Variants in RGPD6 observed in about 807,000 individuals in gnomAD.
RGPD6 encodes the protein RANBP2-like and GRIP domain-containing protein 5/6.
chr2:110,608,397 A>C, the RGPD6 span, among the ~76,000 whole-genome samples: 7 of 151,312 alleles, frequency 4.6e-5, no homozygotes, highest in Non-Finnish European at 8.8e-5. Flanking sequence ...AGAGATTCAA[A>C]TAAGAAAACA....
the RGPD6 span, among the ~76,000 whole-genome samples, chr2:110,593,766 A>T: frequency 6.9e-6 from 1 of 145,824 alleles, no homozygotes; most frequent in Non-Finnish European, 1.5e-5. Context: ...TCAGAAAATC[A>T]TTACATAAAA....
At chr2:110,605,788 A>T in the RGPD6 span, among the ~76,000 whole-genome samples, 15,613 of 145,544 alleles carry the variant, frequency 0.11, 1,430 homozygotes, top group African/African-American at 0.22. Flanking sequence ...ACCAAACAAG[A>T]TCCACACTTT....
chr2:110,604,636 T>C, the RGPD6 span, among the ~76,000 whole-genome samples: 17 of 151,510 alleles, frequency 1.1e-4, no homozygotes, highest in South Asian at 2.1e-4. Flanking sequence ...TCGTCTTTTA[T>C]GGGGCCTCGA....
chr2:110,599,962 T>C, the RGPD6 span, among the ~76,000 whole-genome samples: 1 of 149,140 alleles, frequency 6.7e-6, no homozygotes, highest in Non-Finnish European at 1.5e-5. Flanking sequence ...CTACCTTCAA[T>C]GAAAGGAACA....
the RGPD6 span, among the ~76,000 whole-genome samples, chr2:110,606,785 G>A: frequency 6.6e-6 from 1 of 151,024 alleles, no homozygotes; most frequent in Non-Finnish European, 1.5e-5. Flanking sequence ...TAGTTCAAAG[G>A]CCACCTATTT....
At chr2:110,576,891 GCCCCCCCCCTC>G (rs1688392808) in intron 1 of RGPD6, 51 bp downstream of exon 1, 1 of 693,408 alleles carries the variant, frequency 1.4e-6, no homozygotes, top group Non-Finnish European at 1.7e-6. Context: ...CGCCGCCGCC[GCCCCCCCCCTC>G]CCCCCCCGGC....
the RGPD6 span, among the ~76,000 whole-genome samples, chr2:110,596,917 CAT>C: frequency 0.013 from 1,686 of 133,714 alleles, 46 homozygotes; most frequent in Non-Finnish European, 0.017. Flanking sequence ...CATTTACATA[CAT>C]ATATATATAT....
At chr2:110,606,732 G>A in the RGPD6 span, among the ~76,000 whole-genome samples, 29 of 149,620 alleles carry the variant, frequency 1.9e-4, no homozygotes, top group Admixed American at 4.7e-4. Context: ...ATGTCTCCAT[G>A]TACTCTCAAT....
the RGPD6 span, among the ~76,000 whole-genome samples, chr2:110,600,215 C>T: frequency 2.9e-5 from 3 of 104,132 alleles, no homozygotes; most frequent in Admixed American, 9.8e-5. Context: ...ATGGTAAAAA[C>T]GTGAGACCAT....
At chr2:110,604,979 T>C in the RGPD6 span, among the ~76,000 whole-genome samples, 2 of 147,184 alleles carry the variant, frequency 1.4e-5, no homozygotes, top group African/African-American at 5.1e-5. Flanking sequence ...TTCATCGTCA[T>C]CCAGATACAT....
the RGPD6 span, among the ~76,000 whole-genome samples, chr2:110,593,271 A>C: frequency 6.8e-6 from 1 of 147,982 alleles, no homozygotes; most frequent in African/African-American, 2.6e-5. Context: ...AGGGCCTTAC[A>C]CTTCATCAGT....
the RGPD6 span, among the ~76,000 whole-genome samples, chr2:110,598,346 T>C: frequency 9.2e-5 from 2 of 21,686 alleles, no homozygotes; most frequent in African/African-American, 1.1e-4. Context: ...ATCTCAAGGC[T>C]TTCACCAGCA....
the RGPD6 span, among the ~76,000 whole-genome samples, chr2:110,606,246 G>GT: frequency 6.9e-6 from 1 of 144,512 alleles, no homozygotes. Flanking sequence ...GTTACTGGGG[G>GT]TCATGGTCTG....
At chr2:110,593,326 T>TA in the RGPD6 span, among the ~76,000 whole-genome samples, 2 of 147,726 alleles carry the variant, frequency 1.4e-5, 1 homozygote, top group South Asian at 4.3e-4. Context: ...GTATGATGTC[T>TA]GGCCAAGAAA....
chr2:110,593,213 T>C, the RGPD6 span, among the ~76,000 whole-genome samples: 5 of 147,980 alleles, frequency 3.4e-5, no homozygotes, highest in East Asian at 3.9e-4. Flanking sequence ...AAATGAAGCT[T>C]TGGAGAAGGT....
At chr2:110,605,083 A>G in the RGPD6 span, among the ~76,000 whole-genome samples, 5 of 151,602 alleles carry the variant, frequency 3.3e-5, no homozygotes, top group Admixed American at 6.6e-5. Context: ...GGAGTCCCCA[A>G]GTTCTCGGCG....
chr2:110,607,189 C>T, the RGPD6 span, among the ~76,000 whole-genome samples: 3 of 150,184 alleles, frequency 2.0e-5, no homozygotes, highest in Admixed American at 6.6e-5. Context: ...GGCAGCCTTG[C>T]GCCTCTGCAT....
the RGPD6 span, among the ~76,000 whole-genome samples, chr2:110,608,718 TTCA>T: frequency 2.1e-5 from 2 of 95,514 alleles, no homozygotes; most frequent in African/African-American, 8.6e-5. Flanking sequence ...TCTACATGCC[TTCA>T]TAAGCCAAAA....
the RGPD6 span, among the ~76,000 whole-genome samples, chr2:110,606,778 T>C: frequency 1.1e-4 from 17 of 151,268 alleles, no homozygotes; most frequent in Non-Finnish European, 1.6e-4. Flanking sequence ...CAAGACTTAG[T>C]TCAAAGGCCA....
Sources: allele counts gnomAD v4.1 joint callset (sites outside exome capture counted in the v4.1 genomes callset), GRCh38; gene constraint gnomAD v4.1.1; transcripts MANE v1.5; gene names NCBI Gene and HGNC (gene_info 2026-07-23, HGNC 2026-07-21).